PDE11A: variants seen among roughly 807,000 people sequenced by gnomAD.
PDE11A encodes the protein phosphodiesterase 11A.
PDE11A carries 100 observed loss-of-function variants against 100.5 expected under a neutral mutation model. The ratio of observed to expected loss-of-function variants is 1.00; its 90% CI spans 0.85 to 1.18. The LOEUF (loss-of-function observed/expected upper bound fraction) is 1.18. Among genes scored for constraint, PDE11A ranks in the 50% most tolerant of loss-of-function variants. PDE11A has a pLI of 0.00. For missense variants in PDE11A, 1,141 were observed against 1,152.6 expected (o/e 0.99, Z 0.15); for synonymous variants, 381 against 420.8 (o/e 0.91, Z 1.16).
chr2:177,744,821 C>T lies in PDE11A; in HGVS notation c.1789-16649G>A, dbSNP rs893774551. 4.6e-5 allele frequency among the ~76,000 whole-genome samples: 7 copies of T among 152,256 alleles called. No individual in the cohort carries two copies. In the South Asian group the frequency reaches 1.2e-3, roughly 27 times the overall value. On this transcript the variant is annotated intron_variant, in intron 10 of 19. Transcript: ENST00000286063. ...ATATGCTCTCTCACACGCACATGCA[C>T]GGAGCAGAAACCATAGGTTTATCAT...
chr2:177,942,479 C>T (rs999510227), intron 2 of PDE11A, among the ~76,000 whole-genome samples: 4 of 151,488 alleles, frequency 2.6e-5, no homozygotes, highest in African/African-American at 4.9e-5. Context: ...CTCGGCTCAC[C>T]GCAACCTCTG....
intron 3 of PDE11A, among the ~76,000 whole-genome samples, chr2:177,902,647 T>C (rs551557544): frequency 6.6e-6 from 1 of 152,322 alleles, no homozygotes; most frequent in South Asian, 2.1e-4. Flanking sequence ...CCAGCTAGAT[T>C]CCTGGCTTTA....
At chr2:177,893,443 A>G (rs1209709616) in intron 4 of PDE11A, among the ~76,000 whole-genome samples, 1 of 152,210 alleles carries the variant, frequency 6.6e-6, no homozygotes, top group East Asian at 1.9e-4. Flanking sequence ...AAGCCCTGCT[A>G]TAAATTTTAA....
intron 5 of PDE11A, among the ~76,000 whole-genome samples, chr2:177,853,714 T>TGTGTGTGTGTGTGTG (rs1558974124): frequency 1.2e-4 from 2 of 16,286 alleles, no homozygotes; most frequent in Non-Finnish European, 2.5e-4. Context: ...GTGTGTGTGT[T>TGTGTGTGTGTGTGTG]TGTGTGTGTG....
chr2:177,899,875 T>TTA (rs2084670722), intron 3 of PDE11A, among the ~76,000 whole-genome samples: 1 of 151,378 alleles, frequency 6.6e-6, no homozygotes, highest in Non-Finnish European at 1.5e-5. Context: ...ATTTAGATAT[T>TTA]TATATATCAG....
chr2:177,637,992 T>TAG, intron 19 of PDE11A, among the ~76,000 whole-genome samples: 1 of 49,114 alleles, frequency 2.0e-5, no homozygotes. Flanking sequence ...TATATATATA[T>TAG]ATATATTTTT....
chr2:178,091,637 T>C (rs2087424452), intron 2 of PDE11A, among the ~76,000 whole-genome samples: 1 of 152,122 alleles, frequency 6.6e-6, no homozygotes, highest in South Asian at 2.1e-4. Flanking sequence ...TTGGGCCATA[T>C]CATTTGGGTG....
intron 2 of PDE11A, among the ~76,000 whole-genome samples, chr2:177,979,384 A>G (rs1317437563): frequency 2.7e-5 from 4 of 150,606 alleles, no homozygotes; most frequent in Non-Finnish European, 1.5e-5. Context: ...AATTATTTTT[A>G]TATTGTTATG....
chr2:177,669,270 A>T (rs978020368), intron 18 of PDE11A, among the ~76,000 whole-genome samples: 10 of 152,112 alleles, frequency 6.6e-5, no homozygotes, highest in African/African-American at 2.4e-4. Context: ...TACTTGTCCC[A>T]CTGTGGGTGC....
intron 9 of PDE11A, among the ~76,000 whole-genome samples, chr2:177,787,941 A>G (rs533458761): frequency 5.1e-4 from 77 of 152,278 alleles, no homozygotes; most frequent in African/African-American, 1.9e-3. Context: ...TAATAATGGG[A>G]GACTTTAACA....
At chr2:177,674,812 T>C (rs1225316819) in intron 17 of PDE11A, among the ~76,000 whole-genome samples, 7 of 152,234 alleles carry the variant, frequency 4.6e-5, no homozygotes, top group Admixed American at 4.6e-4. Flanking sequence ...GATGCCAAGT[T>C]ACTGTTCTGG....
At chr2:177,696,873 C>T (rs2081119202) in intron 15 of PDE11A, among the ~76,000 whole-genome samples, 1 of 152,084 alleles carries the variant, frequency 6.6e-6, no homozygotes, top group Admixed American at 6.6e-5. Context: ...AAGGCCTGAA[C>T]TTTGGTGAAA....
intron 2 of PDE11A, among the ~76,000 whole-genome samples, chr2:178,085,672 T>G (rs9288014): frequency 0.19 from 28,872 of 152,184 alleles, 2,754 homozygotes; most frequent in South Asian, 0.22. Context: ...GAAAAAGAAC[T>G]GGCCTATTTA....
At chr2:178,053,280 T>C (rs973234334) in intron 1 of PDE11A, among the ~76,000 whole-genome samples, 5 of 152,164 alleles carry the variant, frequency 3.3e-5, no homozygotes, top group African/African-American at 7.2e-5. Context: ...ATTATCTCAA[T>C]AGATGCAGAA....
Position 177,711,866 on chromosome 2 carries a change from G to T in PDE11A, c.2056C>A (p.Gln686Lys). ...MFAMLTTAGF[Q>K]DILTEVEILA... Reference sequence around the variant, plus strand: ...ATTTCCACCTCGGTCAGAATGTCTTGAAACCCAGCAGTCTGGGAAGAAGGG... The same window carrying T: ...ATTTCCACCTCGGTCAGAATGTCTTTAAACCCAGCAGTCTGGGAAGAAGGG... The change falls in exon 13 of 20, where the codon CAA (glutamine) becomes AAA (lysine). Residue 686 changes from glutamine to lysine, a missense_variant. Physicochemically the swap from Gln to Lys is moderately conservative, Grantham distance 53. Transcript: ENST00000286063. The T allele has an allele frequency of 6.2e-7, 1 of 1,603,816 alleles. No homozygotes were observed. Among genetic ancestry groups the T allele is most frequent in the Non-Finnish European group, 8.5e-7 (1 of 1,170,660 alleles).
rs554462871 is a variant in PDE11A at position 178,104,779 on chromosome 2, T to C, written c.-13-303A>G. Among the ~76,000 whole-genome samples, 15 of 152,332 alleles carry C rather than the reference T, an allele frequency of 9.8e-5. No individual in the cohort carries two copies. The South Asian group carries it at 3.1e-3, about 32-fold the overall frequency. On this transcript the variant is annotated intron_variant, in intron 1 of 20. Transcript: ENST00000358450. Reference sequence around the variant, plus strand: ...TTTTACTTCAGCCTTCAAAGAATTATATTAATTTATCCAGGTCAATTATAT... The same window carrying C: ...TTTTACTTCAGCCTTCAAAGAATTACATTAATTTATCCAGGTCAATTATAT...
intron 19 of PDE11A, among the ~76,000 whole-genome samples, chr2:177,635,875 T>C (rs2080031421): frequency 6.6e-6 from 1 of 151,676 alleles, no homozygotes; most frequent in African/African-American, 2.4e-5. Flanking sequence ...TTTTTATGGC[T>C]ATCTAGTATT....
chr2:177,689,239 C>T (rs575753912), intron 15 of PDE11A, among the ~76,000 whole-genome samples: 81 of 152,224 alleles, frequency 5.3e-4, no homozygotes, highest in African/African-American at 1.9e-3. Flanking sequence ...TGCACCACCA[C>T]GCCCAGCTAA....
intron 1 of PDE11A, among the ~76,000 whole-genome samples, chr2:178,033,072 T>G (rs2086569167): frequency 6.6e-6 from 1 of 152,202 alleles, no homozygotes; most frequent in African/African-American, 2.4e-5. Context: ...AGAAGTAGGC[T>G]TCAGAAAGTG....
Sources: allele counts gnomAD v4.1 joint callset (sites outside exome capture counted in the v4.1 genomes callset), GRCh38; gene constraint gnomAD v4.1.1; transcripts MANE v1.5; gene names NCBI Gene and HGNC (gene_info 2026-07-23, HGNC 2026-07-21).